Variants in AVL9 observed in about 807,000 individuals in gnomAD.
AVL9 encodes AVL9 cell migration associated, also known as late secretory pathway protein AVL9 homolog.
In AVL9, 49 loss-of-function variants were observed where a neutral mutation model predicts 79.2. The ratio of observed to expected loss-of-function variants is 0.62; its 90% confidence interval spans 0.49 to 0.79. The LOEUF (loss-of-function observed/expected upper bound fraction) is 0.79, where lower values mean the gene tolerates loss of function less well. Among genes scored for constraint, AVL9 ranks in the 30% least tolerant of loss-of-function variants. AVL9 has a pLI of 0.00. For synonymous variants in AVL9, 299 were observed against 280.6 expected, an observed-to-expected ratio of 1.07 and a Z score of -0.65; for missense variants, 682 against 776.8, an observed-to-expected ratio of 0.88 and a Z score of 1.45.
intron 15 of AVL9, chr7:32,581,158 C>T (rs1583614037): frequency 4.7e-6 from 2 of 429,056 alleles, no homozygotes; most frequent in South Asian, 5.5e-5. Context: ...AGTTTTCTTC[C>T]CCCATTCCCT....
In AVL9 at chr7:32,548,861, G is replaced by A. The variant is rs546687473; in HGVS notation, c.315G>A (p.Arg105=). Reference sequence around the variant, plus strand: ...GTTCATAATAGGCACTGAAAGTAAGGCAAGCAGATATCACCAGAGAGACTG... The same window carrying A: ...GTTCATAATAGGCACTGAAAGTAAGACAAGCAGATATCACCAGAGAGACTG... ...RQIEAKALKV[R]QADITRETVQ... Residue 105 remains arginine, a synonymous_variant, in exon 4 of 16, where the codon AGG becomes AGA. Coordinates refer to ENST00000318709, the MANE Select transcript of AVL9 (RefSeq NM_015060.3). 4.1e-5 allele frequency: 64 copies of A among 1,574,078 alleles called. No individual in the cohort carries two copies. The East Asian group carries it at 1.3e-3, about 32-fold the overall frequency.
intron 1 of AVL9, among the ~76,000 whole-genome samples, chr7:32,517,182 T>C (rs1231647773): frequency 6.6e-6 from 1 of 152,222 alleles, no homozygotes; most frequent in East Asian, 1.9e-4. Context: ...TGTGTACATA[T>C]GCATATTTTG....
chr7:32,510,504 G>C (rs1369528879), intron 1 of AVL9, among the ~76,000 whole-genome samples: 1 of 101,026 alleles, frequency 9.9e-6, no homozygotes, highest in African/African-American at 4.0e-5. Context: ...GGTCTCGTTG[G>C]GAGAATCCAC....
At chr7:32,511,153 G>A (rs1412111463) in intron 1 of AVL9, among the ~76,000 whole-genome samples, 3 of 134,520 alleles carry the variant, frequency 2.2e-5, no homozygotes, top group Non-Finnish European at 1.6e-5. Flanking sequence ...GGTTGTAGGA[G>A]TCCACAGTCC....
chr7:32,529,206 A>G (rs1455266064), intron 1 of AVL9, among the ~76,000 whole-genome samples: 1 of 152,228 alleles, frequency 6.6e-6, no homozygotes, highest in East Asian at 1.9e-4. Context: ...TGAGCTGAGC[A>G]GAAGAGGTTG....
chr7:32,570,048 TGCA>T lies in AVL9; in HGVS notation c.1251_1253del (p.Gln417del). 1 of 1,614,222 alleles carries T rather than the reference TGCA, an allele frequency of 6.2e-7. No homozygotes were observed. Among genetic ancestry groups the T allele is most frequent in the Non-Finnish European group, 8.5e-7 (1 of 1,180,030 alleles). On this transcript the variant is annotated inframe_deletion, in exon 11 of 16. Transcript: ENST00000318709. Reference sequence around the variant, plus strand: ...TATCTGTGTTTGCCTTACATGGCATTGCAGCAGCATCATCTTCTCTCCGATGTC... The same window carrying T: ...TATCTGTGTTTGCCTTACATGGCATTGCAGCATCATCTTCTCTCCGATGTC...
In AVL9 at chr7:32,585,411, C is replaced by CCT. The variant is rs1222062791; in HGVS notation, c.*1506_*1507dup. The CCT allele has an allele frequency of 1.3e-5, 2 of 152,186 alleles. No individual in the cohort carries two copies. Among genetic ancestry groups the CCT allele is most frequent in the Non-Finnish European group, 2.9e-5 (2 of 68,042 alleles). 9.4% of individuals were successfully genotyped at this position (152,186 alleles called of 1,614,324 possible). ...TACTGATGATTTGTACACAGCTGGA[C>CCT]CTCGTGTGTTTGCCATGCTCAGCTC... On this transcript the variant is annotated 3_prime_UTR_variant, in exon 16 of 16. Transcript: ENST00000318709.
rs536331482 is a variant in AVL9, at chr7:32,513,933, A to G, written c.93+18131A>G. Among the ~76,000 whole-genome samples, 69 of 152,370 alleles carry G rather than the reference A, an allele frequency of 4.5e-4. 1 individual carries two copies. In the South Asian group the frequency reaches 0.014, roughly 31 times the overall value. On this transcript the variant is annotated intron_variant, in intron 1 of 15. Transcript: ENST00000318709. ...TTGTGCCTGGATGTGCACATAGGCT[A>G]GTTTTATGTTTAACTTTACATAAAC...
At chr7:32,540,291 A>G (rs1789119408) in intron 1 of AVL9, among the ~76,000 whole-genome samples, 1 of 152,252 alleles carries the variant, frequency 6.6e-6, no homozygotes, top group Non-Finnish European at 1.5e-5. Context: ...ATAAATTTCT[A>G]AAACTGAAAT....
Position 32,552,274 on chromosome 7 carries a change from G to T in AVL9, c.508G>T (p.Glu170Ter), listed in dbSNP as rs755775300. Residue 170 changes from glutamate (E) to a stop codon, truncating the protein, a stop_gained, in exon 6 of 16, where the codon GAA (glutamate) becomes TAA (stop). Coordinates refer to ENST00000318709, the MANE Select transcript of AVL9 (RefSeq NM_015060.3). LOFTEE classifies it high-confidence loss of function. ...MNSSLGGASL[E>*]GSQVYLGLSP... is the part of the protein sequence containing the mutation. ...TAGTTCCTTGGGAGGTGCTTCATTA[G>T]AAGGATCCCAAGTATATCTTGGTAA... is the stretch of plus-strand genomic sequence containing the variant. 1 of 1,602,850 alleles carries T rather than the reference G, an allele frequency of 6.2e-7. No individual in the cohort carries two copies. Among genetic ancestry groups the T allele is most frequent in the South Asian group, 1.1e-5 (1 of 90,652 alleles).
At chr7:32,510,431 C>A (rs1410590595) in intron 1 of AVL9, among the ~76,000 whole-genome samples, 3 of 149,510 alleles carry the variant, frequency 2.0e-5, no homozygotes, top group East Asian at 1.9e-4. Context: ...ACAGTCCTGG[C>A]ACTTCTGAAC....
At chr7:32,506,695 T>A (rs7781052) in intron 1 of AVL9, among the ~76,000 whole-genome samples, 1 of 151,708 alleles carries the variant, frequency 6.6e-6, no homozygotes, top group Non-Finnish European at 1.5e-5. Context: ...GAGGATTACC[T>A]GAGGCCACAA....
At chr7:32,513,846 G>T (rs1164648185) in intron 1 of AVL9, among the ~76,000 whole-genome samples, 1 of 152,188 alleles carries the variant, frequency 6.6e-6, no homozygotes, top group Non-Finnish European at 1.5e-5. Flanking sequence ...GGTGATGGTG[G>T]GGAGAGGGTC....
Position 32,570,158 on chromosome 7 carries a change from C to G in AVL9, c.1350+4C>G, listed in dbSNP as rs768597169. 2.5e-6 allele frequency: 4 copies of G among 1,614,042 alleles called. No homozygotes were observed. The Admixed American group carries it at 6.7e-5, about 27-fold the overall frequency. ...CCTCAGTGATGCCATTGTGGAAGTA[C>G]GTTTATGTGTGAGTGTGTGTATTTG... On this transcript the variant is annotated splice_donor_region_variant and intron_variant, in intron 11 of 15. Transcript: ENST00000318709.
chr7:32,522,280 A>G (rs10246229), intron 1 of AVL9, among the ~76,000 whole-genome samples: 51,980 of 151,930 alleles, frequency 0.34, 9,105 homozygotes, highest in South Asian at 0.45. Context: ...ACTCAACGCC[A>G]GCCCATGAAA....
At chr7:32,554,915 A>C (rs979594495) in intron 8 of AVL9, among the ~76,000 whole-genome samples, 6 of 152,124 alleles carry the variant, frequency 3.9e-5, no homozygotes, top group African/African-American at 1.2e-4. Flanking sequence ...TTTGCTCTAC[A>C]GTGCACAGTG....
At chr7:32,548,468 G>A (rs554250864) in intron 3 of AVL9, among the ~76,000 whole-genome samples, 1 of 152,158 alleles carries the variant, frequency 6.6e-6, no homozygotes, top group African/African-American at 2.4e-5. Context: ...TCTTAAACTA[G>A]CCCCTTCTCA....
chr7:32,501,010 A>G (rs1320782376), intron 1 of AVL9, among the ~76,000 whole-genome samples: 1 of 152,238 alleles, frequency 6.6e-6, no homozygotes, highest in Non-Finnish European at 1.5e-5. Flanking sequence ...TAATCTTAAC[A>G]CTAGTTCCAC....
intron 1 of AVL9, among the ~76,000 whole-genome samples, chr7:32,514,670 C>T (rs1180453895): frequency 6.6e-6 from 1 of 152,152 alleles, no homozygotes; most frequent in Non-Finnish European, 1.5e-5. Flanking sequence ...ATGACATTAC[C>T]TTGTGAAAGT....
Sources: gnomAD v4.1 joint callset for allele counts (sites outside exome capture counted in the v4.1 genomes callset) on GRCh38, gnomAD v4.1.1 for gene constraint, MANE v1.5 for transcripts, NCBI Gene and HGNC (gene_info 2026-07-23, HGNC 2026-07-21) for gene names.